TENM4: variants seen among roughly 807,000 people sequenced by gnomAD.
The protein encoded by TENM4 is teneurin-4.
A neutral mutation model predicts 243.3 loss-of-function variants in TENM4; 82 were observed. The ratio of observed to expected loss-of-function variants is 0.34; its 90% CI spans 0.28 to 0.40. The LOEUF (loss-of-function observed/expected upper bound fraction) is 0.40, where lower values mean the gene tolerates loss of function less well. Among genes scored for constraint, TENM4 ranks in the 10% least tolerant of loss-of-function variants. The pLI is 1.00. For synonymous variants in TENM4, 1,412 were observed against 1,456.3 expected (o/e 0.97, Z 0.69); for missense variants, 3,138 against 3,673.3 (o/e 0.85, Z 3.77).
chr11:79,134,728 C>A (rs759993227), intron 4 of TENM4, among the ~76,000 whole-genome samples: 18 of 151,954 alleles, frequency 1.2e-4, no homozygotes, highest in Admixed American at 2.6e-4. Context: ...ACAAAGCAAA[C>A]AAATATAAAG....
At chr11:78,907,303 A>C (rs1173816399) in intron 6 of TENM4, among the ~76,000 whole-genome samples, 2 of 150,202 alleles carry the variant, frequency 1.3e-5, no homozygotes, top group Middle Eastern at 3.2e-3. Context: ...GAGAGGCTAC[A>C]GAGGAGACTT....
intron 6 of TENM4, among the ~76,000 whole-genome samples, chr11:78,929,877 TC>T (rs762459351): frequency 6.6e-5 from 10 of 152,202 alleles, no homozygotes; most frequent in Admixed American, 1.3e-4. Context: ...AGCAAAAGTT[TC>T]TTTGAAGACT....
chr11:79,350,891 C>T (rs1322638082), intron 1 of TENM4, among the ~76,000 whole-genome samples: 1 of 152,162 alleles, frequency 6.6e-6, no homozygotes, highest in Non-Finnish European at 1.5e-5. Context: ...CAATTACCCT[C>T]TATGCTCTCT....
rs140623782 is a variant in TENM4 at position 79,215,734 on chromosome 11, T to C, written c.-163+74A>G. 29 of 981,480 alleles carry C rather than the reference T, an allele frequency of 3.0e-5. No individual in the cohort carries two copies. In the African/African-American group the frequency reaches 4.7e-4, roughly 16 times the overall value. The allele number at this position is 981,480 out of a possible 1,614,324, so 60.8% of individuals were successfully genotyped here. On this transcript the variant is annotated intron_variant, in intron 3 of 33. Coordinates refer to ENST00000278550, the MANE Select transcript of TENM4 (RefSeq NM_001098816.3). Reference sequence around the variant, plus strand: ...AAAAAACATGCAAATGTTCAGAGTCTGAGATTGCATTTCTCATCAAGGCCA... The same window carrying C: ...AAAAAACATGCAAATGTTCAGAGTCCGAGATTGCATTTCTCATCAAGGCCA...
intron 6 of TENM4, among the ~76,000 whole-genome samples, chr11:79,032,134 G>C (rs543689486): frequency 9.4e-4 from 143 of 152,328 alleles, no homozygotes; most frequent in African/African-American, 3.2e-3. Context: ...CATATAAGCA[G>C]ATAACTACCA....
intron 7 of TENM4, among the ~76,000 whole-genome samples, chr11:78,899,460 C>G (rs149386293): frequency 3.3e-5 from 5 of 149,760 alleles, no homozygotes; most frequent in Non-Finnish European, 7.4e-5. Flanking sequence ...TGCCTGTAGT[C>G]CCAGCTACTT....
At chr11:79,142,926 T>A (rs974042183) in intron 4 of TENM4, among the ~76,000 whole-genome samples, 94 of 151,846 alleles carry the variant, frequency 6.2e-4, no homozygotes, top group African/African-American at 2.2e-3. Flanking sequence ...ATGAAAAAAA[T>A]GCTCATCATC....
At chr11:78,914,775 C>A (rs1856274925) in intron 6 of TENM4, among the ~76,000 whole-genome samples, 1 of 152,138 alleles carries the variant, frequency 6.6e-6, no homozygotes, top group East Asian at 1.9e-4. Flanking sequence ...ACAATGTAAC[C>A]AATTCCTCTA....
intron 32 of TENM4, among the ~76,000 whole-genome samples, chr11:78,668,070 G>A (rs1351145765): frequency 6.6e-6 from 1 of 152,120 alleles, no homozygotes; most frequent in Admixed American, 6.5e-5. Context: ...AGGGGGTAAA[G>A]GAAAGGGAAC....
intron 3 of TENM4, among the ~76,000 whole-genome samples, chr11:79,171,435 C>A (rs1259024833): frequency 6.6e-6 from 1 of 152,176 alleles, no homozygotes; most frequent in Non-Finnish European, 1.5e-5. Context: ...GGAAACCCAG[C>A]CATGGAAACG....
At chr11:79,394,212 G>A (rs1229493780) in intron 1 of TENM4, among the ~76,000 whole-genome samples, 3 of 152,152 alleles carry the variant, frequency 2.0e-5, no homozygotes, top group Non-Finnish European at 4.4e-5. Context: ...GCAAGGGTGA[G>A]CTTCTGAATG....
chr11:79,016,624 G>A (rs777014382), intron 6 of TENM4, among the ~76,000 whole-genome samples: 9 of 152,196 alleles, frequency 5.9e-5, no homozygotes, highest in African/African-American at 1.2e-4. Context: ...GCATGGAAAC[G>A]AGATTATCTT....
intron 6 of TENM4, among the ~76,000 whole-genome samples, chr11:78,931,679 C>T (rs1000419831): frequency 4.6e-5 from 7 of 152,130 alleles, no homozygotes; most frequent in Non-Finnish European, 7.3e-5. Flanking sequence ...GCTCACTAAG[C>T]TGCTATGGGG....
intron 9 of TENM4, 50 bp from the exon 10 acceptor site, chr11:78,863,182 G>A (rs761661757): frequency 9.0e-6 from 13 of 1,440,232 alleles, no homozygotes; most frequent in South Asian, 2.9e-5. Flanking sequence ...AGGCAGAAAC[G>A]GGACTCCCAA....
chr11:79,047,498 C>A (rs1859688007), intron 6 of TENM4, among the ~76,000 whole-genome samples: 1 of 152,218 alleles, frequency 6.6e-6, no homozygotes, highest in African/African-American at 2.4e-5. Flanking sequence ...CTCCCGGGAA[C>A]CACCACACTC....
chr11:79,201,537 A>G (rs1863736503), intron 3 of TENM4, among the ~76,000 whole-genome samples: 1 of 152,112 alleles, frequency 6.6e-6, no homozygotes, highest in Admixed American at 6.5e-5. Flanking sequence ...CATAAAGATT[A>G]CTCAAATAAC....
intron 1 of TENM4, among the ~76,000 whole-genome samples, chr11:79,363,094 T>C (rs950622885): frequency 1.3e-5 from 2 of 152,270 alleles, no homozygotes; most frequent in Non-Finnish European, 2.9e-5. Context: ...GTTGCTTTTT[T>C]CTTTTAATTA....
intron 12 of TENM4, among the ~76,000 whole-genome samples, chr11:78,851,546 G>C (rs913910386): frequency 2.6e-5 from 4 of 152,112 alleles, no homozygotes; most frequent in African/African-American, 9.7e-5. Context: ...TTAAAAATAA[G>C]GAATTCTGAT....
At chr11:79,010,937 G>A (rs563495570) in intron 6 of TENM4, among the ~76,000 whole-genome samples, 1 of 152,188 alleles carries the variant, frequency 6.6e-6, no homozygotes, top group South Asian at 2.1e-4. Flanking sequence ...ACTAGCTGTG[G>A]GTCCTGGAGC....
Sources: gnomAD v4.1 joint callset for allele counts (sites outside exome capture counted in the v4.1 genomes callset) on GRCh38, gnomAD v4.1.1 for gene constraint, MANE v1.5 for transcripts, NCBI Gene and HGNC (gene_info 2026-07-23, HGNC 2026-07-21) for gene names.